Variants in MAPKAPK5 observed in about 807,000 individuals in gnomAD.
MAPKAPK5 encodes the protein MAPK activated protein kinase 5, also known as MAP kinase-activated protein kinase 5.
A neutral mutation model predicts 65.1 loss-of-function variants in MAPKAPK5; 30 were observed. That is an observed-to-expected ratio of 0.46 (90% CI 0.34 to 0.63). The LOEUF (loss-of-function observed/expected upper bound fraction) is 0.63. Ranked by LOEUF, MAPKAPK5 falls within the 20% of genes least tolerant of loss-of-function variation. The pLI, the probability that MAPKAPK5 is intolerant of heterozygous loss-of-function variation, is 0.01. For synonymous variants in MAPKAPK5, 179 were observed against 204.6 expected, an observed-to-expected ratio of 0.87 and a Z score of 1.07; for missense variants, 433 against 581.4, an observed-to-expected ratio of 0.74 and a Z score of 2.63.
intron 10 of MAPKAPK5, among the ~76,000 whole-genome samples, 168 bp downstream of exon 10, chr12:111,886,204 C>G (rs921448947): frequency 6.6e-6 from 1 of 152,040 alleles, no homozygotes; most frequent in Non-Finnish European, 1.5e-5. Flanking sequence ...GAATTTCTTT[C>G]GGTAAAAGAC....
At chr12:111,848,528 C>G (rs569211087) in intron 1 of MAPKAPK5, among the ~76,000 whole-genome samples, 1 of 151,594 alleles carries the variant, frequency 6.6e-6, no homozygotes, top group East Asian at 1.9e-4. Flanking sequence ...ATTCTCCCGT[C>G]TCAGCCTCCC....
Position 111,900,036 on chromosome 12 carries a change from G to T in MAPKAPK5, c.*6975G>T. The T allele has an allele frequency of 2.2e-6, 1 of 456,104 alleles. No individual in the cohort carries two copies. The highest frequency in any genetic ancestry group is 1.5e-5 in the South Asian group (1 of 64,566). The allele number at this position is 456,104 out of a possible 1,614,324, so 28.3% of individuals were successfully genotyped here. ...TAACGTCAATGAGACGGTCCAGACAGTAGTGGATGTCATTGCTCTGGCCAA... is the reference window on the plus strand; with the variant it reads ...TAACGTCAATGAGACGGTCCAGACATTAGTGGATGTCATTGCTCTGGCCAA... On this transcript the variant is annotated 3_prime_UTR_variant, in exon 14 of 14. Coordinates refer to ENST00000550735, the MANE Select transcript of MAPKAPK5 (RefSeq NM_003668.4).
In MAPKAPK5 at chr12:111,902,173, G is replaced by A. The variant is rs2071089169; in HGVS notation, c.*9112G>A. ...CCCTATAAATGTGCATTCATCAAAG[G>A]AGAAGTTTTTAAATCCAAAAACAAA... On this transcript the variant is annotated 3_prime_UTR_variant, in exon 14 of 14. Coordinates refer to ENST00000550735, the MANE Select transcript of MAPKAPK5 (RefSeq NM_003668.4). The A allele has an allele frequency of 6.6e-6, 1 of 152,120 alleles. No individual in the cohort carries two copies. Among genetic ancestry groups the A allele is most frequent in the African/African-American group, 2.4e-5 (1 of 41,426 alleles). 9.4% of individuals were successfully genotyped at this position (152,120 alleles called of 1,614,324 possible).
intron 1 of MAPKAPK5, among the ~76,000 whole-genome samples, chr12:111,856,292 G>A (rs73205619): frequency 0.018 from 2,651 of 151,414 alleles, 29 homozygotes; most frequent in Non-Finnish European, 0.027. Context: ...CTAGAATATG[G>A]CCTATCATAA....
chr12:111,870,962 A>G, intron 6 of MAPKAPK5, 123 bp from the exon 7 acceptor site: 1 of 666,690 alleles, frequency 1.5e-6, no homozygotes, highest in Non-Finnish European at 2.6e-6. Context: ...TTATTTTCAT[A>G]AGTTCGCATC....
At chr12:111,862,677 G>A (rs2069480789) in intron 1 of MAPKAPK5, among the ~76,000 whole-genome samples, 1 of 152,084 alleles carries the variant, frequency 6.6e-6, no homozygotes, top group East Asian at 1.9e-4. Flanking sequence ...GGGCGACAGA[G>A]CAATACTCTG....
chr12:111,861,372 A>G (rs1209762187), intron 1 of MAPKAPK5, among the ~76,000 whole-genome samples: 5 of 151,116 alleles, frequency 3.3e-5, no homozygotes, highest in African/African-American at 1.2e-4. Context: ...ACTCTGTCAC[A>G]GGCTGGAGTG....
At position 111,900,837 on chromosome 12, in the gene MAPKAPK5, A is replaced by G. The variant is rs1295495493; in HGVS notation, c.*7776A>G. 2.2e-5 allele frequency: 10 copies of G among 455,934 alleles called. No homozygotes were observed. Among genetic ancestry groups the G allele is most frequent in the Non-Finnish European group, 3.1e-5 (7 of 226,800 alleles). The allele number at this position is 455,934 out of a possible 1,614,324, so 28.2% of individuals were successfully genotyped here. ...GCAAGATGGCTCAAAATGTCATACAATTTACGAGTGCCTTAAAGTTCATTG... is the reference window on the plus strand; with the variant it reads ...GCAAGATGGCTCAAAATGTCATACAGTTTACGAGTGCCTTAAAGTTCATTG... On this transcript the variant is annotated 3_prime_UTR_variant, in exon 14 of 14. Coordinates refer to ENST00000550735, the MANE Select transcript of MAPKAPK5 (RefSeq NM_003668.4).
rs1408805491 is a variant in MAPKAPK5, at chr12:111,868,890, T to G, written c.393+29T>G. 46 of 1,513,100 alleles carry G rather than the reference T, an allele frequency of 3.0e-5. No individual in the cohort carries two copies. In the Middle Eastern group the frequency reaches 5.1e-4, roughly 17 times the overall value. 93.7% of individuals were successfully genotyped at this position (1,513,100 alleles called of 1,614,324 possible). A position where few individuals can be genotyped will look rare whatever the true frequency, so the allele number is the denominator to read the frequency against. ...AGTTAACCCCAGGTACCAATCAAAC[T>G]GCCACCAAAGTTGGTTAACAAGCAC... On this transcript the variant is annotated intron_variant, in intron 5 of 13. Transcript: ENST00000550735.
At position 111,870,263 on chromosome 12, in the gene MAPKAPK5, T is replaced by C; in HGVS notation, c.394-8T>C. 6.3e-7 allele frequency: 1 copy of C among 1,588,262 alleles called. No homozygotes were observed. Among genetic ancestry groups the C allele is most frequent in the Non-Finnish European group, 8.6e-7 (1 of 1,159,506 alleles). On this transcript the variant is annotated splice_polypyrimidine_tract_variant and splice_region_variant and intron_variant, in intron 5 of 13. Transcript: ENST00000550735. ...AAGAAGCGACTGTTTCATTGTGTCTTTTTTCAGATAGCTTTGGCTCTGCGG... is the reference window on the plus strand; with the variant it reads ...AAGAAGCGACTGTTTCATTGTGTCTCTTTTCAGATAGCTTTGGCTCTGCGG...
intron 12 of MAPKAPK5, chr12:111,889,754 CTT>C (rs1444345142): frequency 4.2e-5 from 12 of 283,128 alleles, no homozygotes; most frequent in South Asian, 1.6e-4. Context: ...GACCAGGTGT[CTT>C]TTGTTCAGCA....
chr12:111,888,878 CTT>C lies in MAPKAPK5; in HGVS notation c.1101-6_1101-5del. The stretch of plus-strand genomic sequence containing the variant: ...GTTGTCATTACCCCTCCCTCAAACT[CTT>C]AAAGCACCAAGCCAAAGGACAGTGT... On this transcript the variant is annotated splice_region_variant and splice_polypyrimidine_tract_variant and intron_variant, in intron 11 of 13. Coordinates refer to ENST00000550735, the MANE Select transcript of MAPKAPK5 (RefSeq NM_003668.4). 1 of 1,613,418 alleles carries C rather than the reference CTT, an allele frequency of 6.2e-7. No homozygotes were observed.
chr12:111,870,194 TC>T (rs2069738080), intron 5 of MAPKAPK5, 76 bp from the exon 6 acceptor site: 2 of 929,278 alleles, frequency 2.2e-6, no homozygotes, highest in Non-Finnish European at 3.2e-6. Flanking sequence ...TTTTTTGACA[TC>T]CTGAGTTCTC....
At chr12:111,881,337 G>C (rs911886084) in intron 8 of MAPKAPK5, among the ~76,000 whole-genome samples, 4 of 150,226 alleles carry the variant, frequency 2.7e-5, no homozygotes, top group African/African-American at 9.8e-5. Flanking sequence ...GCCTCCCAAA[G>C]TGCTGGGATT....
intron 1 of MAPKAPK5, among the ~76,000 whole-genome samples, chr12:111,845,545 G>A (rs976707000): frequency 3.3e-5 from 5 of 152,066 alleles, no homozygotes; most frequent in African/African-American, 7.3e-5. Context: ...TGGGATAAAA[G>A]CACTCCCAGC....
intron 5 of MAPKAPK5, 125 bp downstream of exon 5, chr12:111,868,986 A>C (rs1593154139): frequency 1.4e-6 from 1 of 702,164 alleles, no homozygotes; most frequent in East Asian, 2.8e-5. Context: ...CTGCTTTGTT[A>C]TGTAATCAGA....
rs777369046 is a variant in MAPKAPK5, at chr12:111,842,707, C to G, written c.-27C>G. 1.7e-5 allele frequency: 23 copies of G among 1,371,954 alleles called. No homozygotes were observed. Among genetic ancestry groups the G allele is most frequent in the East Asian group, 5.6e-5 (2 of 35,984 alleles). 85.0% of individuals were successfully genotyped at this position (1,371,954 alleles called of 1,614,324 possible). A position where few individuals can be genotyped will look rare whatever the true frequency, so the allele number is the denominator to read the frequency against. The stretch of plus-strand genomic sequence containing the variant: ...CAGGGCTGCTGAGCAGCCTCCGCCT[C>G]TCCCGGCTGTGGGGGCCCCACTGAG... On this transcript the variant is annotated 5_prime_UTR_variant, in exon 1 of 14. Transcript: ENST00000550735.
At chr12:111,845,661 C>T (rs2068884648) in intron 1 of MAPKAPK5, among the ~76,000 whole-genome samples, 1 of 152,280 alleles carries the variant, frequency 6.6e-6, no homozygotes, top group Non-Finnish European at 1.5e-5. Flanking sequence ...GTGGCTCACA[C>T]CTGTAATCCC....
chr12:111,884,217 G>C (rs1040826347), intron 9 of MAPKAPK5, among the ~76,000 whole-genome samples: 2 of 152,138 alleles, frequency 1.3e-5, no homozygotes, highest in African/African-American at 4.8e-5. Context: ...CGCGCTGCCA[G>C]TTGGTTGCTT....
Sources: gnomAD v4.1 joint callset for allele counts (sites outside exome capture counted in the v4.1 genomes callset) on GRCh38, gnomAD v4.1.1 for gene constraint, MANE v1.5 for transcripts, NCBI Gene and HGNC (gene_info 2026-07-23, HGNC 2026-07-21) for gene names.